CLIP2: variants seen among roughly 807,000 people sequenced by gnomAD.
CLIP2 encodes CAP-Gly domain containing linker protein 2.
CLIP2 carries 41 observed loss-of-function variants against 111.7 expected under a neutral mutation model. The ratio of observed to expected loss-of-function variants is 0.37; its 90% confidence interval spans 0.29 to 0.48. The LOEUF is 0.48. Ranked by LOEUF, CLIP2 falls within the 20% of genes least tolerant of loss-of-function variation. The pLI, the probability that CLIP2 is intolerant of heterozygous loss-of-function variation, is 0.99. For synonymous variants in CLIP2, 660 were observed against 644.2 expected (o/e 1.02, Z -0.37); for missense variants, 1,160 against 1,422.1 (o/e 0.82, Z 2.96).
intron 1 of CLIP2, among the ~76,000 whole-genome samples, chr7:74,308,123 C>A (rs1554728014): frequency 1.3e-5 from 2 of 152,108 alleles, no homozygotes; most frequent in Non-Finnish European, 2.9e-5. Flanking sequence ...GAGAGACTTC[C>A]TGGAGGAGGT....
chr7:74,300,072 C>T (rs782076836), intron 1 of CLIP2, among the ~76,000 whole-genome samples: 13 of 151,772 alleles, frequency 8.6e-5, no homozygotes, highest in South Asian at 2.1e-4. Context: ...CTGCAACCTC[C>T]GCCTCCTGGG....
At chr7:74,378,025 C>G (rs1790841063) in intron 10 of CLIP2, among the ~76,000 whole-genome samples, 1 of 152,156 alleles carries the variant, frequency 6.6e-6, no homozygotes, top group Non-Finnish European at 1.5e-5. Context: ...GGGGTTTCGC[C>G]AGGTAGTCCA....
intron 3 of CLIP2, among the ~76,000 whole-genome samples, chr7:74,343,421 T>C (rs1789715147): frequency 6.6e-6 from 1 of 151,986 alleles, no homozygotes; most frequent in African/African-American, 2.4e-5. Flanking sequence ...GGGCACCTAC[T>C]GGGGGTGGGT....
intron 2 of CLIP2, among the ~76,000 whole-genome samples, chr7:74,321,501 G>A (rs199625004): frequency 6.6e-6 from 1 of 151,792 alleles, no homozygotes; most frequent in Non-Finnish European, 1.5e-5. Flanking sequence ...ATACAGTCTC[G>A]CTCTGTCACC....
At position 74,356,305 on chromosome 7, in the gene CLIP2, T is replaced by C; in HGVS notation, c.804-105T>C. On this transcript the variant is annotated intron_variant, in intron 4 of 16. Transcript: ENST00000223398. ...TCTTTCCACATGGGCCCCAAGGAGG[T>C]GTCTTTCTCTCTTTCTGCCAGGCTC... 3 of 915,806 alleles carry C rather than the reference T, an allele frequency of 3.3e-6. No individual in the cohort carries two copies. The South Asian group carries it at 4.1e-5, about 12-fold the overall frequency. 56.7% of individuals were successfully genotyped at this position (915,806 alleles called of 1,614,324 possible).
At chr7:74,390,790 G>A (rs998380117) in intron 13 of CLIP2, among the ~76,000 whole-genome samples, 3 of 151,996 alleles carry the variant, frequency 2.0e-5, no homozygotes, top group African/African-American at 7.3e-5. Context: ...GCTTCTGCCT[G>A]TAATCCCAGC....
At chr7:74,381,213 G>A (rs912674463) in intron 11 of CLIP2, among the ~76,000 whole-genome samples, 12 of 150,636 alleles carry the variant, frequency 8.0e-5, no homozygotes, top group Non-Finnish European at 1.8e-4. Flanking sequence ...TATTTTAGAC[G>A]GAGTTTCGCT....
At chr7:74,346,384 C>T (rs886207829) in intron 3 of CLIP2, among the ~76,000 whole-genome samples, 2 of 152,152 alleles carry the variant, frequency 1.3e-5, no homozygotes, top group Non-Finnish European at 2.9e-5. Context: ...GCATGTTGGC[C>T]TCTAGAAATG....
intron 5 of CLIP2, 78 bp downstream of exon 5, chr7:74,356,701 G>A: frequency 7.4e-7 from 1 of 1,351,188 alleles, no homozygotes; most frequent in Non-Finnish European, 1.0e-6. Context: ...CAGGTGTTCT[G>A]GTCTGCCCCT....
intron 1 of CLIP2, among the ~76,000 whole-genome samples, chr7:74,307,500 G>T (rs373791061): frequency 5.3e-5 from 8 of 152,062 alleles, no homozygotes; most frequent in South Asian, 2.1e-4. Context: ...TTTTGTTTTT[G>T]GTTTTGTTTT....
At chr7:74,306,534 G>A (rs1362458952) in intron 1 of CLIP2, among the ~76,000 whole-genome samples, 2 of 152,134 alleles carry the variant, frequency 1.3e-5, no homozygotes, top group African/African-American at 2.4e-5. Flanking sequence ...TGCTCTATTT[G>A]GCACCCGTCC....
chr7:74,305,873 T>TCCCC (rs1788473594), intron 1 of CLIP2, among the ~76,000 whole-genome samples: 1 of 33,746 alleles, frequency 3.0e-5, no homozygotes, highest in Non-Finnish European at 5.5e-5. Flanking sequence ...CCACCGCCCC[T>TCCCC]GCTGCCAGTT....
chr7:74,335,060 G>A (rs1789410152), intron 2 of CLIP2, among the ~76,000 whole-genome samples: 1 of 152,026 alleles, frequency 6.6e-6, no homozygotes, highest in South Asian at 2.1e-4. Flanking sequence ...TACTCGGCCT[G>A]AGTGACCTTA....
intron 16 of CLIP2, among the ~76,000 whole-genome samples, chr7:74,403,429 C>T (rs1791678457): frequency 6.7e-6 from 1 of 148,388 alleles, no homozygotes; most frequent in Non-Finnish European, 1.5e-5. Context: ...ATTAGCTGGG[C>T]ATGGTGGCGC....
intron 2 of CLIP2, 38 bp downstream of exon 2, chr7:74,317,705 G>C: frequency 1.4e-6 from 2 of 1,387,388 alleles, no homozygotes; most frequent in Non-Finnish European, 1.9e-6. Context: ...GAGGGGACTG[G>C]CTACATGGGA....
At chr7:74,339,097 A>T in intron 3 of CLIP2, 93 bp downstream of exon 3, 4 of 1,254,100 alleles carry the variant, frequency 3.2e-6, no homozygotes, top group Non-Finnish European at 4.4e-6. Flanking sequence ...TGGGCTGGGC[A>T]GGGTGGGGAC....
rs550712367 is a variant in CLIP2 at position 74,302,013 on chromosome 7, T to G, written c.-68+12279T>G. 2.0e-5 allele frequency among the ~76,000 whole-genome samples: 3 copies of G among 152,148 alleles called. No individual in the cohort carries two copies. In the East Asian group the frequency reaches 5.8e-4, roughly 30 times the overall value. ...CAGGCACGAGCCACCATGCCTGGCC[T>G]TATTGACTCATTCTAATGGTAATGG... On this transcript the variant is annotated intron_variant, in intron 1 of 16. Transcript: ENST00000223398.
At chr7:74,360,868 T>C (rs1309476528) in intron 7 of CLIP2, among the ~76,000 whole-genome samples, 1 of 152,100 alleles carries the variant, frequency 6.6e-6, no homozygotes, top group Non-Finnish European at 1.5e-5. Flanking sequence ...GTTCATTGCA[T>C]AGAGTTCACT....
At chr7:74,369,503 A>G (rs1790546688) in intron 8 of CLIP2, among the ~76,000 whole-genome samples, 1 of 152,020 alleles carries the variant, frequency 6.6e-6, no homozygotes, top group Admixed American at 6.6e-5. Context: ...TGATGGCGCC[A>G]CTGCACTCCA....
Sources: allele counts gnomAD v4.1 joint callset (sites outside exome capture counted in the v4.1 genomes callset), GRCh38; gene constraint gnomAD v4.1.1; transcripts MANE v1.5; gene names NCBI Gene and HGNC (gene_info 2026-07-23, HGNC 2026-07-21).